The following ASCC3 variants were observed in gnomAD, a reference collection of about 807,000 sequenced individuals.
The protein encoded by ASCC3 is activating signal cointegrator 1 complex subunit 3.
In ASCC3, 158 loss-of-function variants were observed where a neutral mutation model predicts 256.3. The ratio of observed to expected loss-of-function variants is 0.62; its 90% CI spans 0.54 to 0.70. The LOEUF (loss-of-function observed/expected upper bound fraction) is 0.70, where lower values mean the gene tolerates loss of function less well. Among genes scored for constraint, ASCC3 ranks in the 30% least tolerant of loss-of-function variants. ASCC3 has a pLI of 0.00. For missense variants in ASCC3, 2,259 were observed against 2,626.0 expected, an observed-to-expected ratio of 0.86 and a Z score of 3.05; for synonymous variants, 948 against 883.4, an observed-to-expected ratio of 1.07 and a Z score of -1.30.
intron 10 of ASCC3, among the ~76,000 whole-genome samples, chr6:100,756,220 T>A (rs943717459): frequency 6.6e-6 from 1 of 151,952 alleles, no homozygotes. Context: ...AAAAAAAAAC[T>A]TCTTTGTACG....
intron 16 of ASCC3, among the ~76,000 whole-genome samples, chr6:100,659,593 G>A (rs1241007922): frequency 2.0e-5 from 3 of 151,128 alleles, no homozygotes; most frequent in African/African-American, 7.3e-5. Context: ...TAAATTTATG[G>A]GCCCTAATTT....
chr6:100,565,282 G>A (rs1363737958), intron 36 of ASCC3, among the ~76,000 whole-genome samples: 1 of 152,064 alleles, frequency 6.6e-6, no homozygotes, highest in Non-Finnish European at 1.5e-5. Context: ...AGCCCCAAAA[G>A]AAAGAACATT....
chr6:100,535,909 T>A (rs908981166), intron 37 of ASCC3, among the ~76,000 whole-genome samples: 2 of 152,204 alleles, frequency 1.3e-5, no homozygotes, highest in Non-Finnish European at 2.9e-5. Context: ...TAATAACAGA[T>A]AACTCACTAA....
At chr6:100,819,358 G>C (rs751744689) in intron 4 of ASCC3, among the ~76,000 whole-genome samples, 16 of 152,140 alleles carry the variant, frequency 1.1e-4, no homozygotes, top group Non-Finnish European at 2.2e-4. Flanking sequence ...TTATGTATTA[G>C]TCAGGGATCT....
chr6:100,601,291 C>T (rs1772597044), intron 34 of ASCC3, among the ~76,000 whole-genome samples: 1 of 152,080 alleles, frequency 6.6e-6, no homozygotes, highest in Non-Finnish European at 1.5e-5. Flanking sequence ...GAGTCATGTA[C>T]TCATTTTTAC....
intron 4 of ASCC3, among the ~76,000 whole-genome samples, chr6:100,819,091 C>T (rs1050792485): frequency 2.6e-5 from 4 of 151,562 alleles, no homozygotes; most frequent in African/African-American, 9.7e-5. Flanking sequence ...TGCATGTTCT[C>T]ACTCACAGGT....
At chr6:100,536,648 G>A (rs936684955) in intron 37 of ASCC3, among the ~76,000 whole-genome samples, 3 of 151,970 alleles carry the variant, frequency 2.0e-5, no homozygotes, top group African/African-American at 7.3e-5. Flanking sequence ...TAATTTTTTC[G>A]TGGAGATGGG....
chr6:100,818,813 T>C (rs1334411769), intron 4 of ASCC3, among the ~76,000 whole-genome samples: 1 of 58,332 alleles, frequency 1.7e-5, no homozygotes, highest in African/African-American at 7.9e-5. Context: ...TAAAACTACA[T>C]ATAAAAAAAA....
At chr6:100,852,385 A>G (rs1464464068) in intron 3 of ASCC3, among the ~76,000 whole-genome samples, 2 of 152,180 alleles carry the variant, frequency 1.3e-5, no homozygotes, top group African/African-American at 4.8e-5. Context: ...GTACACTTCT[A>G]AAGTAGAAAG....
chr6:100,808,501 C>G (rs1269611489), intron 4 of ASCC3, among the ~76,000 whole-genome samples: 1 of 151,756 alleles, frequency 6.6e-6, no homozygotes, highest in Non-Finnish European at 1.5e-5. Flanking sequence ...CCTGGATTCC[C>G]TTTGTAGGCT....
At chr6:100,762,460 T>C (rs1176494527) in intron 10 of ASCC3, among the ~76,000 whole-genome samples, 2 of 152,202 alleles carry the variant, frequency 1.3e-5, no homozygotes, top group African/African-American at 4.8e-5. Flanking sequence ...AGGGAGAAGT[T>C]TGAAACCAAT....
chr6:100,685,533 G>A (rs1404908299), intron 13 of ASCC3, among the ~76,000 whole-genome samples: 2 of 152,186 alleles, frequency 1.3e-5, no homozygotes, highest in Non-Finnish European at 2.9e-5. Context: ...AGCCCTCCAG[G>A]TTATTCTGAT....
At chr6:100,548,671 A>T (rs555711763) in intron 36 of ASCC3, among the ~76,000 whole-genome samples, 2 of 152,054 alleles carry the variant, frequency 1.3e-5, no homozygotes, top group South Asian at 4.1e-4. Flanking sequence ...TTTTGTAAAG[A>T]AATTTGACCA....
intron 30 of ASCC3, among the ~76,000 whole-genome samples, chr6:100,609,534 A>G (rs1324470403): frequency 6.6e-6 from 1 of 150,982 alleles, no homozygotes; most frequent in Non-Finnish European, 1.5e-5. Flanking sequence ...TTCAACATGG[A>G]AAATACTTAA....
At chr6:100,660,280 C>T (rs1352957675) in intron 16 of ASCC3, among the ~76,000 whole-genome samples, 2 of 151,580 alleles carry the variant, frequency 1.3e-5, no homozygotes, top group Admixed American at 6.6e-5. Flanking sequence ...TTACATATCA[C>T]TCTCTGGATA....
intron 25 of ASCC3, among the ~76,000 whole-genome samples, chr6:100,632,401 C>G (rs1358782092): frequency 6.6e-6 from 1 of 151,900 alleles, no homozygotes; most frequent in African/African-American, 2.4e-5. Context: ...CAACCCAAAG[C>G]AATCTTCAGT....
Position 100,560,145 on chromosome 6 carries a change from G to A in ASCC3, c.5551-19758C>T, listed in dbSNP as rs1476835978. Among the ~76,000 whole-genome samples the A allele has an allele frequency of 2.0e-5, 3 of 152,102 alleles. No individual in the cohort carries two copies. The East Asian group carries it at 5.8e-4, about 29-fold the overall frequency. On this transcript the variant is annotated intron_variant, in intron 36 of 41. Transcript: ENST00000369162. ...GGACATCTAACTTAGTGTCTGTTTA[G>A]GCAGAAAGTTTTAGTTTTAGTTAAT...
intron 13 of ASCC3, among the ~76,000 whole-genome samples, chr6:100,697,236 T>A (rs1271688782): frequency 6.6e-6 from 1 of 151,786 alleles, no homozygotes; most frequent in African/African-American, 2.4e-5. Flanking sequence ...CAAAGTGCTA[T>A]GGTAAAAAAA....
At chr6:100,770,754 T>G (rs1219547812) in intron 8 of ASCC3, among the ~76,000 whole-genome samples, 2 of 151,814 alleles carry the variant, frequency 1.3e-5, no homozygotes, top group Non-Finnish European at 2.9e-5. Flanking sequence ...ATGAATTTCT[T>G]AAGGATAAAT....
Sources: gnomAD v4.1 joint callset for allele counts (sites outside exome capture counted in the v4.1 genomes callset) on GRCh38, gnomAD v4.1.1 for gene constraint, MANE v1.5 for transcripts, NCBI Gene and HGNC (gene_info 2026-07-23, HGNC 2026-07-21) for gene names.